The following FHIP2A variants were observed in gnomAD, a reference collection of about 807,000 sequenced individuals.
FHIP2A encodes the protein FHF complex subunit HOOK interacting protein 2A.
Under a neutral mutation model 93.5 loss-of-function variants are expected in FHIP2A, and 46 were observed. The ratio of observed to expected loss-of-function variants is 0.49; its 90% confidence interval spans 0.39 to 0.63. The LOEUF is 0.63. FHIP2A is among the 20% of genes least tolerant of loss of function. The pLI is 0.00. For missense variants in FHIP2A, 769 were observed against 909.7 expected, an observed-to-expected ratio of 0.85 and a Z score of 1.99; for synonymous variants, 332 against 326.5, an observed-to-expected ratio of 1.02 and a Z score of -0.18.
rs749736533 is a variant in FHIP2A at position 114,860,932 on chromosome 10, T to C, written c.2088+43T>C. ...TTATATTCCCTAGGATTGATAAATC[T>C]GTGCAATTAATATGTTAATATCATT... On this transcript the variant is annotated intron_variant, in intron 15 of 16. Coordinates refer to ENST00000369248, the MANE Select transcript of FHIP2A (RefSeq NM_020940.4). 5 of 1,558,306 alleles carry C rather than the reference T, an allele frequency of 3.2e-6. No individual in the cohort carries two copies. In the Admixed American group the frequency reaches 8.4e-5, roughly 26 times the overall value.
intron 1 of FHIP2A, among the ~76,000 whole-genome samples, chr10:114,823,629 G>T (rs2083556187): frequency 6.6e-6 from 1 of 151,420 alleles, no homozygotes; most frequent in East Asian, 1.9e-4. Context: ...CTAGTAGCTG[G>T]GATTACAGGC....
At chr10:114,838,902 G>T (rs181492879) in intron 5 of FHIP2A, among the ~76,000 whole-genome samples, 3 of 152,050 alleles carry the variant, frequency 2.0e-5, no homozygotes, top group African/African-American at 4.8e-5. Flanking sequence ...TTTTTTTAAC[G>T]AATAGGACTA....
Position 114,861,851 on chromosome 10 carries a change from A to G in FHIP2A, c.*311A>G, listed in dbSNP as rs1052155620. ...GAAAAGCTGCAATATTTCCAATGTC[A>G]TGACTTTGATGATATTTCTGTTATA... On this transcript the variant is annotated 3_prime_UTR_variant, in exon 17 of 17. Transcript: ENST00000369248. The G allele has an allele frequency of 2.6e-5, 26 of 1,018,278 alleles. No homozygotes were observed. Among genetic ancestry groups the G allele is most frequent in the Non-Finnish European group, 2.9e-5 (25 of 851,080 alleles). 63.1% of individuals were successfully genotyped at this position (1,018,278 alleles called of 1,614,324 possible). A position where few individuals can be genotyped will look rare whatever the true frequency, so the allele number is the denominator to read the frequency against.
intron 14 of FHIP2A, among the ~76,000 whole-genome samples, chr10:114,857,833 C>T (rs188906244): frequency 1.3e-5 from 2 of 152,226 alleles, no homozygotes; most frequent in Non-Finnish European, 2.9e-5. Flanking sequence ...ATTCATAATA[C>T]AAACATTTAC....
At chr10:114,828,238 AAGTAACACC>A (rs1295107475) in intron 1 of FHIP2A, among the ~76,000 whole-genome samples, 1 of 152,178 alleles carries the variant, frequency 6.6e-6, no homozygotes, top group Non-Finnish European at 1.5e-5. Flanking sequence ...GGTATTCACA[AAGTAACACC>A]ATTCTGCTTT....
chr10:114,879,943 A>G (rs1204567405), intron 16 of FHIP2A, among the ~76,000 whole-genome samples: 1 of 152,180 alleles, frequency 6.6e-6, no homozygotes, highest in Admixed American at 6.5e-5. Context: ...GCAGGTGCAC[A>G]CCATCATGCC....
chr10:114,825,232 C>T (rs1406163587), intron 1 of FHIP2A, among the ~76,000 whole-genome samples: 1 of 152,084 alleles, frequency 6.6e-6, no homozygotes, highest in Non-Finnish European at 1.5e-5. Context: ...AGACACTGTG[C>T]CCAGGTTGGT....
intron 16 of FHIP2A, among the ~76,000 whole-genome samples, chr10:114,893,432 A>G (rs1431077282): frequency 1.3e-5 from 2 of 152,178 alleles, no homozygotes; most frequent in African/African-American, 2.4e-5. Context: ...AAGTCAGCCA[A>G]TCGGGAACAG....
At chr10:114,877,497 T>C (rs1401471660) in intron 16 of FHIP2A, among the ~76,000 whole-genome samples, 1 of 152,060 alleles carries the variant, frequency 6.6e-6, no homozygotes, top group African/African-American at 2.4e-5. Flanking sequence ...CAATCCTGGC[T>C]GAAGGATCGA....
intron 16 of FHIP2A, among the ~76,000 whole-genome samples, chr10:114,887,476 A>G (rs1000703299): frequency 2.6e-5 from 4 of 152,170 alleles, no homozygotes; most frequent in Admixed American, 2.6e-4. Context: ...CCGTTTTTAG[A>G]TTGGGAAACT....
chr10:114,829,112 T>A (rs1195125391), intron 1 of FHIP2A, among the ~76,000 whole-genome samples: 1 of 152,166 alleles, frequency 6.6e-6, no homozygotes, highest in Admixed American at 6.5e-5. Flanking sequence ...AGGAAGTCTA[T>A]GAAAATGGAC....
chr10:114,875,323 C>G (rs555141207), intron 16 of FHIP2A, among the ~76,000 whole-genome samples: 1 of 152,200 alleles, frequency 6.6e-6, no homozygotes, highest in African/African-American at 2.4e-5. Context: ...TGCCTTGGAT[C>G]TGTGAGGGAG....
rs2083636000 is a variant in FHIP2A, at chr10:114,836,186, TC to T, written c.463del (p.Leu155PhefsTer8). 5.0e-6 allele frequency: 8 copies of T among 1,605,016 alleles called. No homozygotes were observed. The highest frequency in any genetic ancestry group is 1.7e-5 in the Admixed American group (1 of 59,972). On this transcript the variant is annotated frameshift_variant, in exon 5 of 17. Coordinates refer to ENST00000369248, the MANE Select transcript of FHIP2A (RefSeq NM_020940.4). LOFTEE classifies it high-confidence loss of function. Reference sequence around the variant, plus strand: ...CAACAGAAAATGAAGAGATTCAGTTTCTTTGCATTGTGTGTGCGAAGCTGAA... The same window carrying T: ...CAACAGAAAATGAAGAGATTCAGTTTTTTGCATTGTGTGTGCGAAGCTGAA... ...TPTENEEIQFLCIVCAKLKQD... is the reference protein window; with the variant it reads ...TPTENEEIQFXCIVCAKLKQD...
chr10:114,827,440 G>A (rs1234217061), intron 1 of FHIP2A, among the ~76,000 whole-genome samples: 1 of 152,178 alleles, frequency 6.6e-6, no homozygotes, highest in Non-Finnish European at 1.5e-5. Context: ...TGGAAGAGAT[G>A]AATAATTAAA....
At chr10:114,857,670 A>G (rs913147122) in intron 14 of FHIP2A, among the ~76,000 whole-genome samples, 2 of 151,952 alleles carry the variant, frequency 1.3e-5, no homozygotes, top group Non-Finnish European at 2.9e-5. Flanking sequence ...TTTTCTTAGT[A>G]TAGATTCCTA....
downstream of FHIP2A, among the ~76,000 whole-genome samples, chr10:114,869,527 G>C (rs1287557171): frequency 6.6e-6 from 1 of 152,126 alleles, no homozygotes; most frequent in Non-Finnish European, 1.5e-5. Flanking sequence ...GGCTCCCACA[G>C]AAATGGAATT....
At chr10:114,861,118 G>C (rs2083796028) in intron 15 of FHIP2A, 113 bp from the exon 16 acceptor site, 1 of 1,381,006 alleles carries the variant, frequency 7.2e-7, no homozygotes, top group Admixed American at 2.5e-5. Flanking sequence ...TATGAGTAGT[G>C]AAAGTTTACG....
intron 16 of FHIP2A, among the ~76,000 whole-genome samples, chr10:114,887,684 C>T (rs143495715): frequency 6.6e-5 from 10 of 152,318 alleles, no homozygotes; most frequent in Middle Eastern, 3.4e-3. Context: ...TGAGAATTAA[C>T]GATGTGTACT....
chr10:114,848,336 A>G (rs2083714218), intron 12 of FHIP2A, among the ~76,000 whole-genome samples: 1 of 152,236 alleles, frequency 6.6e-6, no homozygotes, highest in African/African-American at 2.4e-5. Context: ...CTGAAGAGGA[A>G]AAAAATGTCT....
Sources: allele counts gnomAD v4.1 joint callset (sites outside exome capture counted in the v4.1 genomes callset), GRCh38; gene constraint gnomAD v4.1.1; transcripts MANE v1.5; gene names NCBI Gene and HGNC (gene_info 2026-07-23, HGNC 2026-07-21).